The following KCNH7 variants were observed in gnomAD, a reference collection of about 807,000 sequenced individuals.
KCNH7 encodes the protein potassium voltage-gated channel subfamily H member 7.
In KCNH7, 49 loss-of-function variants were observed where a neutral mutation model predicts 120.8. The observed-to-expected ratio is 0.41, with a 90% CI of 0.32 to 0.51. KCNH7 has a LOEUF of 0.51. Ranked by LOEUF, KCNH7 falls within the 20% of genes least tolerant of loss-of-function variation. The probability of loss-of-function intolerance (pLI) is 0.38; values close to 1 mark genes in which losing one functional copy is unlikely to be tolerated. For missense variants in KCNH7, 1,097 were observed against 1,446.6 expected (o/e 0.76, Z 3.92); for synonymous variants, 547 against 516.1 (o/e 1.06, Z -0.81).
chr2:162,582,518 A>T (rs1250943110), intron 2 of KCNH7, among the ~76,000 whole-genome samples: 1 of 152,052 alleles, frequency 6.6e-6, no homozygotes, highest in Non-Finnish European at 1.5e-5. Flanking sequence ...GGCCGGGAAC[A>T]TACAGCGCTT....
intron 2 of KCNH7, among the ~76,000 whole-genome samples, chr2:162,577,299 A>T: frequency 7.1e-6 from 1 of 141,028 alleles, no homozygotes; most frequent in East Asian, 2.0e-4. Flanking sequence ...CTGTCTATCT[A>T]TCTATCTATC....
chr2:162,743,908 C>T (rs191700293), intron 2 of KCNH7, among the ~76,000 whole-genome samples: 6 of 151,956 alleles, frequency 3.9e-5, no homozygotes, highest in Non-Finnish European at 7.4e-5. Flanking sequence ...GTGGGTAAAA[C>T]GGAATAACCA....
chr2:162,592,222 A>G (rs11900760), intron 2 of KCNH7, among the ~76,000 whole-genome samples: 6,606 of 152,132 alleles, frequency 0.043, 288 homozygotes, highest in East Asian at 0.11. Context: ...TAGTCTCCTG[A>G]TAGATAAAGG....
intron 2 of KCNH7, among the ~76,000 whole-genome samples, chr2:162,595,306 C>T (rs1402161850): frequency 6.6e-6 from 1 of 151,884 alleles, no homozygotes; most frequent in African/African-American, 2.4e-5. Flanking sequence ...ATCACAAGAA[C>T]AGCATGGGGT....
At position 162,569,407 on chromosome 2, in the gene KCNH7, G is replaced by C. The variant is rs1693382134; in HGVS notation, c.308-32327C>G. ...TTATCATTTTTTATTGCGTCTATTT[G>C]ATTCTTCTCTCTTTTTTTCTTTATT... On this transcript the variant is annotated intron_variant, in intron 2 of 15. Coordinates refer to ENST00000332142, the MANE Select transcript of KCNH7 (RefSeq NM_033272.4). Among the ~76,000 whole-genome samples the C allele has an allele frequency of 1.3e-5, 2 of 148,886 alleles. 1 individual carries two copies. Among genetic ancestry groups the C allele is most frequent in the South Asian group, 4.4e-4 (2 of 4,586 alleles).
chr2:162,427,978 T>C (rs527935013), intron 8 of KCNH7, among the ~76,000 whole-genome samples: 5 of 151,832 alleles, frequency 3.3e-5, no homozygotes, highest in Non-Finnish European at 7.4e-5. Flanking sequence ...ACTTTCTCTC[T>C]TGTTTGTTTT....
At chr2:162,599,103 A>G (rs1694469267) in intron 2 of KCNH7, among the ~76,000 whole-genome samples, 1 of 151,908 alleles carries the variant, frequency 6.6e-6, no homozygotes, top group Non-Finnish European at 1.5e-5. Context: ...TAAAAATACA[A>G]AAATTAGCTG....
At chr2:162,390,586 C>A (rs929531435) in intron 12 of KCNH7, among the ~76,000 whole-genome samples, 2 of 151,864 alleles carry the variant, frequency 1.3e-5, no homozygotes, top group Admixed American at 1.3e-4. Context: ...TTATTCTTCA[C>A]TTTCTGTAAT....
At chr2:162,802,687 T>A (rs1042345777) in intron 2 of KCNH7, among the ~76,000 whole-genome samples, 2 of 151,750 alleles carry the variant, frequency 1.3e-5, no homozygotes, top group African/African-American at 4.8e-5. Flanking sequence ...AAGAATAACA[T>A]TGCAACATGT....
At chr2:162,616,304 C>T (rs746246290) in intron 2 of KCNH7, among the ~76,000 whole-genome samples, 24 of 152,158 alleles carry the variant, frequency 1.6e-4, no homozygotes, top group Non-Finnish European at 2.8e-4. Context: ...TAGCTTTCCT[C>T]ATCTGGACAC....
chr2:162,806,476 T>C (rs1368131542), intron 2 of KCNH7, among the ~76,000 whole-genome samples: 1 of 152,202 alleles, frequency 6.6e-6, no homozygotes, highest in East Asian at 1.9e-4. Context: ...CTATAATTCA[T>C]AGATTTCCTT....
At chr2:162,570,884 T>C (rs1304652703) in intron 2 of KCNH7, among the ~76,000 whole-genome samples, 1 of 152,150 alleles carries the variant, frequency 6.6e-6, no homozygotes, top group Non-Finnish European at 1.5e-5. Flanking sequence ...TAGGTATTGA[T>C]GGGCCGTATT....
intron 2 of KCNH7, among the ~76,000 whole-genome samples, chr2:162,621,518 G>A (rs1183147047): frequency 2.0e-5 from 3 of 151,774 alleles, no homozygotes; most frequent in East Asian, 1.9e-4. Flanking sequence ...AATAATTTAC[G>A]CTTCATCCAT....
At chr2:162,418,331 T>A (rs1181887567) in intron 9 of KCNH7, among the ~76,000 whole-genome samples, 4 of 152,106 alleles carry the variant, frequency 2.6e-5, no homozygotes, top group Non-Finnish European at 4.4e-5. Context: ...GAAATTTTAT[T>A]ATAGCTGTAT....
chr2:162,443,711 G>A (rs1202134575), intron 7 of KCNH7, among the ~76,000 whole-genome samples: 1 of 152,174 alleles, frequency 6.6e-6, no homozygotes. Context: ...GTCTGCAGAT[G>A]ACAGCCTTTG....
At chr2:162,405,128 C>T (rs1687171916) in intron 9 of KCNH7, among the ~76,000 whole-genome samples, 1 of 151,958 alleles carries the variant, frequency 6.6e-6, no homozygotes, top group Admixed American at 6.6e-5. Flanking sequence ...TTTTTCAAGG[C>T]TGCTACAGAT....
chr2:162,526,835 G>C (rs186932442), intron 3 of KCNH7, among the ~76,000 whole-genome samples: 1 of 152,022 alleles, frequency 6.6e-6, no homozygotes, highest in Non-Finnish European at 1.5e-5. Context: ...AGAGATTAAA[G>C]TAAAGACAGG....
chr2:162,373,025 T>C lies in KCNH7; in HGVS notation c.3324+445A>G, dbSNP rs1284946199. The stretch of plus-strand genomic sequence containing the variant: ...TCTAATCTGGCCAGCCTACTATTTC[T>C]CCTCCCCTTCCTTCCTGAGACCTCT... On this transcript the variant is annotated intron_variant, in intron 15 of 15. Transcript: ENST00000332142. Among the ~76,000 whole-genome samples, 8 of 152,132 alleles carry C rather than the reference T, an allele frequency of 5.3e-5. No homozygotes were observed. The East Asian group carries it at 1.4e-3, about 26-fold the overall frequency.
chr2:162,647,156 A>G (rs1159068898), intron 2 of KCNH7, among the ~76,000 whole-genome samples: 1 of 152,176 alleles, frequency 6.6e-6, no homozygotes, highest in African/African-American at 2.4e-5. Context: ...ACCTAATGGC[A>G]TGGGTGTCAT....
Sources: allele counts gnomAD v4.1 joint callset (sites outside exome capture counted in the v4.1 genomes callset), GRCh38; gene constraint gnomAD v4.1.1; transcripts MANE v1.5; gene names NCBI Gene and HGNC (gene_info 2026-07-23, HGNC 2026-07-21).